NACC2: variants seen among roughly 807,000 people sequenced by gnomAD.
NACC2 encodes the protein nucleus accumbens-associated protein 2.
A neutral mutation model predicts 25.1 loss-of-function variants in NACC2; 8 were observed. The observed-to-expected ratio is 0.32, with a 90% CI of 0.19 to 0.57. NACC2 has a LOEUF of 0.57. NACC2 is among the 20% of genes least tolerant of loss of function. The probability of loss-of-function intolerance (pLI) is 0.89; values close to 1 mark genes in which losing one functional copy is unlikely to be tolerated. For missense variants in NACC2, 644 were observed against 650.2 expected (o/e 0.99, Z 0.10); for synonymous variants, 435 against 294.7 (o/e 1.48, Z -4.88).
At position 136,032,375 on chromosome 9, in the gene NACC2, T is replaced by C. The variant is rs534393136; in HGVS notation, c.887-15946A>G. ...GAAAGCTTTTGTTACAATGCAACAC[T>C]TACGAGGAAAAAAAAAACCCTCTTA... On this transcript the variant is annotated intron_variant, in intron 2 of 5. Transcript: ENST00000277554. Among the ~76,000 whole-genome samples the C allele has an allele frequency of 1.6e-4, 24 of 151,826 alleles. No individual in the cohort carries two copies. The South Asian group carries it at 4.4e-3, about 28-fold the overall frequency.
At chr9:136,093,503 G>A (rs1830454304) in intron 1 of NACC2, among the ~76,000 whole-genome samples, 1 of 152,186 alleles carries the variant, frequency 6.6e-6, no homozygotes, top group Non-Finnish European at 1.5e-5. Flanking sequence ...CGCCAGGCCA[G>A]GGCCAGCACC....
Position 136,006,911 on chromosome 9 carries a change from T to C in NACC2, c.*4605A>G, listed in dbSNP as rs1259832657. 1 of 152,582 alleles carries C rather than the reference T, an allele frequency of 6.6e-6. No homozygotes were observed. Among genetic ancestry groups the C allele is most frequent in the African/African-American group, 2.4e-5 (1 of 41,472 alleles). The allele number at this position is 152,582 out of a possible 1,614,324, so 9.5% of individuals were successfully genotyped here. ...TTTACAGCACAGGAAAATTTATTTT[T>C]TAACAGTCGTGAGTTACAGTACTTT... On this transcript the variant is annotated 3_prime_UTR_variant, in exon 6 of 6. Coordinates refer to ENST00000277554, the MANE Select transcript of NACC2 (RefSeq NM_144653.5).
At chr9:136,091,954 G>A (rs1012454329) in intron 1 of NACC2, among the ~76,000 whole-genome samples, 2 of 152,176 alleles carry the variant, frequency 1.3e-5, no homozygotes, top group Non-Finnish European at 2.9e-5. Flanking sequence ...TCGCTCCCCG[G>A]CCCCCACAGC....
chr9:136,085,863 G>A (rs1362336027), intron 1 of NACC2, among the ~76,000 whole-genome samples: 1 of 152,278 alleles, frequency 6.6e-6, no homozygotes, highest in Non-Finnish European at 1.5e-5. Flanking sequence ...AACTCACTGT[G>A]GAAACAAGGG....
chr9:136,070,498 C>G (rs993406774), intron 1 of NACC2, among the ~76,000 whole-genome samples: 4 of 151,580 alleles, frequency 2.6e-5, no homozygotes, highest in Non-Finnish European at 5.9e-5. Flanking sequence ...CAGAGCGAGA[C>G]TCGTCTCAAA....
chr9:136,062,688 G>A (rs1389066951), intron 1 of NACC2, among the ~76,000 whole-genome samples: 1 of 152,238 alleles, frequency 6.6e-6, no homozygotes, highest in East Asian at 1.9e-4. Context: ...GTCAGCGGGG[G>A]TGGACTGCTT....
At chr9:136,089,552 G>A (rs1191450190) in intron 1 of NACC2, among the ~76,000 whole-genome samples, 3 of 151,804 alleles carry the variant, frequency 2.0e-5, no homozygotes, top group Non-Finnish European at 4.4e-5. Flanking sequence ...TCCCCAAGAA[G>A]GTGAACCCAC....
At chr9:136,093,359 C>T (rs189129633) in intron 1 of NACC2, among the ~76,000 whole-genome samples, 443 of 152,334 alleles carry the variant, frequency 2.9e-3, no homozygotes, top group Non-Finnish European at 4.9e-3. Flanking sequence ...TAGCCCCCTG[C>T]CCAGGGCAGA....
chr9:136,044,015 G>A (rs1840683675), intron 2 of NACC2, among the ~76,000 whole-genome samples: 1 of 152,118 alleles, frequency 6.6e-6, no homozygotes, highest in African/African-American at 2.4e-5. Context: ...AGTAGAGAAG[G>A]GGTTTCGCCA....
At chr9:136,040,337 T>G (rs2131153821) in intron 2 of NACC2, among the ~76,000 whole-genome samples, 1 of 143,482 alleles carries the variant, frequency 7.0e-6, no homozygotes, top group South Asian at 2.2e-4. Flanking sequence ...AGAGCAAGAC[T>G]CCGTCTCAAA....
intron 1 of NACC2, among the ~76,000 whole-genome samples, chr9:136,050,937 G>GA (rs1840823130): frequency 6.6e-6 from 1 of 152,164 alleles, no homozygotes; most frequent in Non-Finnish European, 1.5e-5. Context: ...GCCGCCGGGG[G>GA]AGCCTCTGGG....
intron 1 of NACC2, among the ~76,000 whole-genome samples, chr9:136,051,504 G>A (rs1184146516): frequency 6.6e-6 from 1 of 152,172 alleles, no homozygotes; most frequent in African/African-American, 2.4e-5. Flanking sequence ...TATCTGGTGC[G>A]GACTCCGGAG....
chr9:136,013,485 TGAG>T lies in NACC2; in HGVS notation c.1158-192_1158-190del, dbSNP rs1251104745. Among the ~76,000 whole-genome samples the T allele has an allele frequency of 6.6e-6, 1 of 152,182 alleles. No homozygotes were observed. The highest frequency in any genetic ancestry group is 1.5e-5 in the Non-Finnish European group (1 of 68,034). On this transcript the variant is annotated intron_variant, in intron 4 of 5. Transcript: ENST00000277554. The surrounding 1 kb of genome is among the most constrained non-coding windows in gnomAD (Gnocchi z 6.6). Reference sequence around the variant, plus strand: ...CAGGACAAAGGAAAAGCGTCTGGGCTGAGAAGATGACCGGGTGATGGGGCTGCA... The same window carrying T: ...CAGGACAAAGGAAAAGCGTCTGGGCTAAGATGACCGGGTGATGGGGCTGCA...
intron 2 of NACC2, among the ~76,000 whole-genome samples, chr9:136,033,648 CAAAAAAAAAAA>C (rs558163152): frequency 1.4e-5 from 1 of 71,204 alleles, no homozygotes; most frequent in Non-Finnish European, 2.6e-5. Flanking sequence ...GACTCTGTCT[CAAAAAAAAAAA>C]AAAAAAAAAG....
At chr9:136,078,474 C>T (rs1456917253) in intron 1 of NACC2, among the ~76,000 whole-genome samples, 4 of 152,166 alleles carry the variant, frequency 2.6e-5, no homozygotes, top group Non-Finnish European at 5.9e-5. Flanking sequence ...TTAAAGTAAG[C>T]GCAGGAGAAA....
chr9:136,072,064 C>T (rs147954078), intron 1 of NACC2, among the ~76,000 whole-genome samples: 2,732 of 151,748 alleles, frequency 0.018, 29 homozygotes, highest in Non-Finnish European at 0.028. Context: ...ATGGTGAAAC[C>T]CCGTCTGTAC....
chr9:136,063,699 A>G (rs1008333668), intron 1 of NACC2, among the ~76,000 whole-genome samples: 2 of 152,122 alleles, frequency 1.3e-5, no homozygotes, highest in African/African-American at 2.4e-5. Flanking sequence ...CCTGGCCAAC[A>G]AAGTGAAATC....
intron 1 of NACC2, among the ~76,000 whole-genome samples, chr9:136,051,321 G>C (rs1422540139): frequency 1.3e-5 from 2 of 152,204 alleles, no homozygotes; most frequent in African/African-American, 4.8e-5. Context: ...GCCAGGGCAG[G>C]AGTTGGGAAG....
chr9:136,047,936 AC>A (rs1840754369), intron 2 of NACC2, among the ~76,000 whole-genome samples: 1 of 152,060 alleles, frequency 6.6e-6, no homozygotes, highest in Admixed American at 6.5e-5. Flanking sequence ...CCCCAAACAC[AC>A]CAAGGCCCAA....
Sources: allele counts gnomAD v4.1 joint callset (sites outside exome capture counted in the v4.1 genomes callset), GRCh38; gene constraint gnomAD v4.1.1; non-coding constraint Gnocchi (gnomAD v3.1); transcripts MANE v1.5; gene names NCBI Gene and HGNC (gene_info 2026-07-23, HGNC 2026-07-21).